The following ADGRV1 variants were observed in gnomAD, a reference collection of about 807,000 sequenced individuals.
The protein encoded by ADGRV1 is adhesion G protein-coupled receptor V1.
ADGRV1 carries 359 observed loss-of-function variants against 596.2 expected under a neutral mutation model. That is an observed-to-expected ratio of 0.60 (90% CI 0.55 to 0.66). The LOEUF (loss-of-function observed/expected upper bound fraction) is 0.66. Among genes scored for constraint, ADGRV1 ranks in the 30% least tolerant of loss-of-function variants. ADGRV1 has a pLI of 0.00. For missense variants in ADGRV1, 7,274 were observed against 7,575.6 expected, an observed-to-expected ratio of 0.96 and a Z score of 1.48; for synonymous variants, 2,681 against 2,679.2, an observed-to-expected ratio of 1.00 and a Z score of -0.02.
At chr5:90,981,260 A>G (rs1340679362) in intron 84 of ADGRV1, among the ~76,000 whole-genome samples, 1 of 152,216 alleles carries the variant, frequency 6.6e-6, no homozygotes, top group Non-Finnish European at 1.5e-5. Context: ...TAGAGAAGAT[A>G]CATTTTTTGA....
chr5:90,721,437 G>T (rs1407135525), intron 45 of ADGRV1, among the ~76,000 whole-genome samples: 1 of 151,634 alleles, frequency 6.6e-6, no homozygotes, highest in African/African-American at 2.4e-5. Context: ...CTGGGAGGCG[G>T]AGCTTGCAGT....
intron 11 of ADGRV1, among the ~76,000 whole-genome samples, chr5:90,640,102 G>C (rs1254629781): frequency 6.6e-6 from 1 of 152,066 alleles, no homozygotes; most frequent in Non-Finnish European, 1.5e-5. Context: ...GTTTATTTCA[G>C]AAAAATTTTG....
intron 29 of ADGRV1, among the ~76,000 whole-genome samples, chr5:90,688,401 A>G (rs746231345): frequency 5.3e-5 from 8 of 152,206 alleles, no homozygotes; most frequent in Non-Finnish European, 1.2e-4. Context: ...TCTGTCACCC[A>G]GGGTGGAGTG....
At chr5:91,149,944 T>A (rs1795892066) in intron 87 of ADGRV1, 86 bp from the exon 88 acceptor site, 1 of 1,101,536 alleles carries the variant, frequency 9.1e-7, no homozygotes, top group Admixed American at 2.6e-5. Context: ...CCATGTTTAT[T>A]CTTCAGCTAC....
At chr5:90,778,234 C>T (rs374638001) in intron 62 of ADGRV1, among the ~76,000 whole-genome samples, 191 bp downstream of exon 62, 75 of 150,342 alleles carry the variant, frequency 5.0e-4, no homozygotes, top group African/African-American at 1.6e-3. Flanking sequence ...TGTGTGTGTA[C>T]GGTTGACAAT....
chr5:91,013,935 T>TATCCCAGC (rs1196383661), intron 85 of ADGRV1, among the ~76,000 whole-genome samples: 1 of 152,032 alleles, frequency 6.6e-6, no homozygotes, highest in East Asian at 1.9e-4. Context: ...GCTAGACATT[T>TATCCCAGC]ATCCCAGCAC....
chr5:90,705,247 A>G (rs1748442427), intron 36 of ADGRV1, among the ~76,000 whole-genome samples, 153 bp from the exon 37 acceptor site: 1 of 152,250 alleles, frequency 6.6e-6, no homozygotes, highest in African/African-American at 2.4e-5. Flanking sequence ...ACCTGAAAGA[A>G]AAATGGAATG....
intron 82 of ADGRV1, among the ~76,000 whole-genome samples, chr5:90,858,403 A>G (rs1034701178): frequency 6.6e-6 from 1 of 152,352 alleles, no homozygotes; most frequent in Non-Finnish European, 1.5e-5. Flanking sequence ...ATATTGTACT[A>G]TCAAAGATAA....
At chr5:91,059,235 C>T (rs1015636704) in intron 85 of ADGRV1, among the ~76,000 whole-genome samples, 5 of 152,070 alleles carry the variant, frequency 3.3e-5, no homozygotes, top group African/African-American at 1.2e-4. Flanking sequence ...CCATTGTTTT[C>T]CCTATTTTAT....
intron 77 of ADGRV1, among the ~76,000 whole-genome samples, chr5:90,830,402 C>T (rs1325920015): frequency 6.6e-6 from 1 of 152,124 alleles, no homozygotes; most frequent in Non-Finnish European, 1.5e-5. Flanking sequence ...TCTTCCTCTT[C>T]TCCCATAAAA....
At chr5:90,708,406 T>G (rs899992851) in intron 38 of ADGRV1, among the ~76,000 whole-genome samples, 1 of 151,144 alleles carries the variant, frequency 6.6e-6, no homozygotes, top group African/African-American at 2.4e-5. Context: ...AATTATAGAA[T>G]TTGGTACTAG....
chr5:90,643,818 T>C lies in ADGRV1; in HGVS notation c.2569T>C (p.Trp857Arg), dbSNP rs747254902. 9 of 1,607,784 alleles carry C rather than the reference T, an allele frequency of 5.6e-6. No homozygotes were observed. In the African/African-American group the frequency reaches 8.0e-5, roughly 14 times the overall value. ...DGIPELDEHYWVVLSSHGERE... is the reference protein window; with the variant it reads ...DGIPELDEHYRVVLSSHGERE... Reference sequence around the variant, plus strand: ...TTCACTTTAGTTGGATGAACACTACTGGGTGGTCCTCAGCAGCCACGGAGA... The same window carrying C: ...TTCACTTTAGTTGGATGAACACTACCGGGTGGTCCTCAGCAGCCACGGAGA... Residue 857 changes from tryptophan to arginine, a missense_variant, in exon 14 of 90, where the codon TGG becomes CGG. By Grantham distance (101) the Trp-to-Arg change is moderately radical. Around this residue, in one of 5 missense-constraint regions of ADGRV1, gnomAD observed 1,715 missense variants for 1,708.8 expected, o/e 1.00. Transcript: ENST00000405460.
chr5:90,940,219 A>G (rs1776057734), intron 83 of ADGRV1, among the ~76,000 whole-genome samples: 1 of 152,202 alleles, frequency 6.6e-6, no homozygotes, highest in South Asian at 2.1e-4. Flanking sequence ...TATAAATCTG[A>G]TTCTGTCTTG....
At chr5:91,035,861 T>TATATATATATATATAATATATATAATATA in intron 85 of ADGRV1, among the ~76,000 whole-genome samples, 31 of 96,406 alleles carry the variant, frequency 3.2e-4, no homozygotes, top group East Asian at 2.5e-3. Flanking sequence ...TATATATATA[T>TATATATATATATATAATATATATAATATA]TATATATATA....
intron 83 of ADGRV1, among the ~76,000 whole-genome samples, chr5:90,896,544 G>A (rs1353843602): frequency 6.6e-6 from 1 of 151,946 alleles, no homozygotes; most frequent in Non-Finnish European, 1.5e-5. Context: ...CAAAGTGCTG[G>A]AACTATAGGT....
intron 84 of ADGRV1, among the ~76,000 whole-genome samples, chr5:90,978,279 A>G (rs994922891): frequency 6.7e-6 from 1 of 149,236 alleles, no homozygotes; most frequent in Non-Finnish European, 1.5e-5. Context: ...TGGGGGACAG[A>G]GCGAGACTTC....
At chr5:90,595,541 G>A (rs1271314437) in intron 1 of ADGRV1, among the ~76,000 whole-genome samples, 1 of 128,312 alleles carries the variant, frequency 7.8e-6, no homozygotes, top group Non-Finnish European at 1.7e-5. Context: ...CCTCCTGGAC[G>A]GGGCGGCTGG....
At position 90,685,929 on chromosome 5, in the gene ADGRV1, A is replaced by G. The variant is rs764685945; in HGVS notation, c.6424A>G (p.Arg2142Gly). The G allele has an allele frequency of 1.9e-6, 3 of 1,610,116 alleles. No homozygotes were observed. The highest frequency in any genetic ancestry group is 2.5e-6 in the Non-Finnish European group (3 of 1,177,544). ...TGTTGGACCCATTATCAATGTGACT[A>G]GAACAGGAGGAGCATTTGCAGATGT... is the stretch of plus-strand genomic sequence containing the variant. ...NHVGPIINVTRTGGAFADVSV... is the reference protein window; with the variant it reads ...NHVGPIINVTGTGGAFADVSV... The change falls in exon 29 of 90, where the codon AGA becomes GGA. Residue 2142 changes from arginine (R) to glycine (G), a missense_variant. By Grantham distance (125) the Arg-to-Gly change is moderately radical (BLOSUM62 -2). Around this residue, in one of 5 missense-constraint regions of ADGRV1, gnomAD observed 3,643 missense variants for 3,809.2 expected, o/e 0.96. Coordinates refer to ENST00000405460, the MANE Select transcript of ADGRV1 (RefSeq NM_032119.4).
chr5:91,028,368 C>A (rs183141590), intron 85 of ADGRV1, among the ~76,000 whole-genome samples: 1 of 152,262 alleles, frequency 6.6e-6, no homozygotes, highest in African/African-American at 2.4e-5. Flanking sequence ...TTACCAATAT[C>A]TGCCTCACAG....
Sources: gnomAD v4.1 joint callset for allele counts (sites outside exome capture counted in the v4.1 genomes callset) on GRCh38, gnomAD v4.1.1 for gene constraint, gnomAD v4.1.1 regional missense constraint, MANE v1.5 for transcripts, NCBI Gene and HGNC (gene_info 2026-07-23, HGNC 2026-07-21) for gene names.